The following HIPK3 variants were observed in gnomAD, a reference collection of about 807,000 sequenced individuals.
HIPK3 encodes homeodomain-interacting protein kinase 3.
Under a neutral mutation model 124.2 loss-of-function variants are expected in HIPK3, and 47 were observed. The observed-to-expected ratio is 0.38, with a 90% CI of 0.30 to 0.48. The LOEUF (loss-of-function observed/expected upper bound fraction) is 0.48. Ranked by LOEUF, HIPK3 falls within the 20% of genes least tolerant of loss-of-function variation. The pLI is 0.98. For missense variants in HIPK3, 1,286 were observed against 1,454.3 expected (o/e 0.88, Z 1.88); for synonymous variants, 482 against 515.2 (o/e 0.94, Z 0.87).
At chr11:33,307,298 G>A (rs117968415) in intron 2 of HIPK3, among the ~76,000 whole-genome samples, 2,162 of 151,846 alleles carry the variant, frequency 0.014, 31 homozygotes, top group South Asian at 0.026. Flanking sequence ...TAATGTGTAC[G>A]AATAGTATGT....
chr11:33,265,873 CAGGAGG>C (rs1565052209), intron 1 of HIPK3, among the ~76,000 whole-genome samples: 12 of 150,078 alleles, frequency 8.0e-5, no homozygotes, highest in African/African-American at 3.0e-4. Flanking sequence ...GTCATGAGGT[CAGGAGG>C]TCGAGACCAT....
chr11:33,267,512 T>C (rs1265914909), intron 1 of HIPK3, among the ~76,000 whole-genome samples: 1 of 151,658 alleles, frequency 6.6e-6, no homozygotes, highest in Non-Finnish European at 1.5e-5. Flanking sequence ...ATTTTTTTTT[T>C]TGAGACGGAG....
intron 2 of HIPK3, among the ~76,000 whole-genome samples, chr11:33,307,939 T>C (rs989609165): frequency 2.0e-5 from 3 of 152,222 alleles, no homozygotes; most frequent in Non-Finnish European, 4.4e-5. Context: ...GTTTTTATTT[T>C]TGAAAGATTT....
chr11:33,329,820 A>G (rs964523668), intron 3 of HIPK3, among the ~76,000 whole-genome samples: 27 of 152,230 alleles, frequency 1.8e-4, no homozygotes, highest in African/African-American at 6.5e-4. Flanking sequence ...TCAGAGTCCC[A>G]TAATCCTTTA....
At position 33,356,270 on chromosome 11, in the gene HIPK3, A is replaced by C. The variant is rs556636042; in HGVS notation, c.*2702A>C. ...ATCCCAGTTAACTACACTGCTCTTT[A>C]ATTGCAATCATGGGCATTTTAATGT... On this transcript the variant is annotated 3_prime_UTR_variant, in exon 17 of 17. Transcript: ENST00000303296. The C allele has an allele frequency of 3.3e-5, 5 of 152,150 alleles. No homozygotes were observed. Among genetic ancestry groups the C allele is most frequent in the African/African-American group, 7.2e-5 (3 of 41,566 alleles). 9.4% of individuals were successfully genotyped at this position (152,150 alleles called of 1,614,324 possible). A position where few individuals can be genotyped will look rare whatever the true frequency, so the allele number is the denominator to read the frequency against.
intron 2 of HIPK3, among the ~76,000 whole-genome samples, chr11:33,302,422 C>T (rs1342550225): frequency 3.4e-5 from 5 of 146,248 alleles, no homozygotes; most frequent in Admixed American, 1.4e-4. Context: ...CTGCAACCTT[C>T]GCCTCCCTGG....
chr11:33,290,365 GAA>G (rs946090823), intron 2 of HIPK3, among the ~76,000 whole-genome samples: 4 of 151,336 alleles, frequency 2.6e-5, no homozygotes, highest in Non-Finnish European at 1.5e-5. Flanking sequence ...TTTTTTTCTG[GAA>G]AAAAATTGTA....
chr11:33,345,471 T>A (rs1853464640), intron 8 of HIPK3, among the ~76,000 whole-genome samples: 1 of 152,184 alleles, frequency 6.6e-6, no homozygotes, highest in Non-Finnish European at 1.5e-5. Flanking sequence ...TTGAATCTGA[T>A]CAAAAATTAG....
intron 2 of HIPK3, among the ~76,000 whole-genome samples, chr11:33,296,934 C>T (rs773703766): frequency 2.0e-5 from 3 of 152,070 alleles, no homozygotes; most frequent in African/African-American, 2.4e-5. Flanking sequence ...GCGAGGAAGG[C>T]GTGTGGAAAG....
intron 2 of HIPK3, among the ~76,000 whole-genome samples, chr11:33,302,354 T>TTTTTTTTTTTTTTTTTAATG: frequency 6.7e-6 from 1 of 149,690 alleles, no homozygotes; most frequent in Non-Finnish European, 1.5e-5. Flanking sequence ...TTTTTTTTTT[T>TTTTTTTTTTTTTTTTTAATG]TTGAGAAGGA....
chr11:33,265,011 ATAGAT>A (rs1850917100), intron 1 of HIPK3, among the ~76,000 whole-genome samples: 1 of 152,196 alleles, frequency 6.6e-6, no homozygotes, highest in Non-Finnish European at 1.5e-5. Context: ...AGTTAATGAG[ATAGAT>A]TAGAGTGATA....
intron 3 of HIPK3, among the ~76,000 whole-genome samples, chr11:33,335,203 C>T (rs559985448): frequency 7.2e-5 from 11 of 152,118 alleles, no homozygotes; most frequent in Admixed American, 4.6e-4. Flanking sequence ...TTTCAATAAG[C>T]GGTTGGGCCT....
chr11:33,308,147 A>C (rs563088537), intron 2 of HIPK3, among the ~76,000 whole-genome samples: 2 of 152,186 alleles, frequency 1.3e-5, no homozygotes, highest in Admixed American at 1.3e-4. Flanking sequence ...CCATGTGGCT[A>C]TCCCTAAACT....
intron 1 of HIPK3, among the ~76,000 whole-genome samples, chr11:33,270,501 A>G (rs1256986449): frequency 6.6e-6 from 1 of 152,184 alleles, no homozygotes; most frequent in East Asian, 1.9e-4. Context: ...ATGAAAACTT[A>G]CAGTAAAAAT....
intron 1 of HIPK3, among the ~76,000 whole-genome samples, chr11:33,276,864 C>T (rs1851286836): frequency 6.6e-6 from 1 of 151,838 alleles, no homozygotes; most frequent in Non-Finnish European, 1.5e-5. Context: ...ACCACTACAC[C>T]CAGCTAATTT....
In HIPK3 at chr11:33,319,824, A is replaced by G. The variant is rs150458211; in HGVS notation, c.1098-8686A>G. The stretch of plus-strand genomic sequence containing the variant: ...ATGTTCTAGTGGGGGCAGAGAGGAA[A>G]TAGATAATAAGCCAACATATTTATC... On this transcript the variant is annotated intron_variant, in intron 2 of 16. Transcript: ENST00000303296. 1.3e-3 allele frequency among the ~76,000 whole-genome samples: 201 copies of G among 152,358 alleles called. 1 individual carries two copies. Among genetic ancestry groups the G allele is most frequent in the Middle Eastern group, 6.8e-3 (2 of 294 alleles).
At chr11:33,312,378 C>T (rs1271128447) in intron 2 of HIPK3, among the ~76,000 whole-genome samples, 1 of 151,938 alleles carries the variant, frequency 6.6e-6, no homozygotes, top group Non-Finnish European at 1.5e-5. Flanking sequence ...CACTTTAATC[C>T]CACTCTTCTA....
At chr11:33,340,461 A>T (rs1314600497) in intron 6 of HIPK3, among the ~76,000 whole-genome samples, 2 of 152,232 alleles carry the variant, frequency 1.3e-5, no homozygotes, top group African/African-American at 2.4e-5. Flanking sequence ...TTCCTTCAGT[A>T]TTTAAAAAGA....
chr11:33,291,082 A>C (rs1047314844), intron 2 of HIPK3, among the ~76,000 whole-genome samples: 4 of 152,198 alleles, frequency 2.6e-5, no homozygotes, highest in Admixed American at 6.5e-5. Flanking sequence ...ATATCAGTGA[A>C]AATATATTGT....
Sources: allele counts gnomAD v4.1 joint callset (sites outside exome capture counted in the v4.1 genomes callset), GRCh38; gene constraint gnomAD v4.1.1; transcripts MANE v1.5; gene names NCBI Gene and HGNC (gene_info 2026-07-23, HGNC 2026-07-21).